PTPRN2: variants seen among roughly 807,000 people sequenced by gnomAD.
PTPRN2 encodes the protein protein tyrosine phosphatase receptor type N2.
Under a neutral mutation model 118.8 loss-of-function variants are expected in PTPRN2, and 74 were observed. The ratio of observed to expected loss-of-function variants is 0.62; its 90% CI spans 0.52 to 0.76. The LOEUF (loss-of-function observed/expected upper bound fraction) is 0.76. Among genes scored for constraint, PTPRN2 ranks in the 30% least tolerant of loss-of-function variants. The pLI, the probability that PTPRN2 is intolerant of heterozygous loss-of-function variation, is 0.00. For synonymous variants in PTPRN2, 641 were observed against 608.0 expected (o/e 1.05, Z -0.80); for missense variants, 1,481 against 1,394.4 (o/e 1.06, Z -0.99).
intron 2 of PTPRN2, among the ~76,000 whole-genome samples, chr7:158,378,675 CTCCAGGGTCCAGGG>C (rs913295711): frequency 1.3e-5 from 2 of 150,034 alleles, no homozygotes. Flanking sequence ...GTCCAGCACA[CTCCAGGGTCCAGGG>C]TCCAGGGTCC....
chr7:158,470,213 A>G lies in PTPRN2; in HGVS notation c.163+19522T>C, dbSNP rs543238119. Among the ~76,000 whole-genome samples the G allele has an allele frequency of 5.4e-4, 82 of 152,380 alleles. 1 individual carries two copies. The South Asian group carries it at 0.016, about 30-fold the overall frequency. On this transcript the variant is annotated intron_variant, in intron 2 of 22. Coordinates refer to ENST00000389418, the MANE Select transcript of PTPRN2 (RefSeq NM_002847.5). ...TATTTCAACAACTGGGGAAAAAAACATAAAATTTATTCTGTTTTGCAGAAA... is the reference window on the plus strand; with the variant it reads ...TATTTCAACAACTGGGGAAAAAAACGTAAAATTTATTCTGTTTTGCAGAAA...
At position 157,845,437 on chromosome 7, in the gene PTPRN2, G is replaced by A. The variant is rs1478637449; in HGVS notation, c.1788+53236C>T. ...ACTGGCCTAACTCACCATGTTCCCG[G>A]CCATACCCCAGTGAACCACACAGCC... On this transcript the variant is annotated intron_variant, in intron 12 of 22. Coordinates refer to ENST00000389418, the MANE Select transcript of PTPRN2 (RefSeq NM_002847.5). The surrounding 1 kb of genome is among the most constrained non-coding windows in gnomAD (Gnocchi z 4.5). Among the ~76,000 whole-genome samples, 1 of 150,870 alleles carries A rather than the reference G, an allele frequency of 6.6e-6. No individual in the cohort carries two copies. Among genetic ancestry groups the A allele is most frequent in the South Asian group, 2.1e-4 (1 of 4,768 alleles).
At chr7:158,101,436 A>G (rs1264202777) in intron 10 of PTPRN2, among the ~76,000 whole-genome samples, 2 of 152,246 alleles carry the variant, frequency 1.3e-5, no homozygotes, top group South Asian at 2.1e-4. Context: ...TAGCATTGGA[A>G]AAACTCTTCC....
intron 12 of PTPRN2, among the ~76,000 whole-genome samples, chr7:157,686,194 C>T (rs780275043): frequency 3.3e-5 from 5 of 152,202 alleles, no homozygotes; most frequent in African/African-American, 1.2e-4. Context: ...CCGCTTCCTA[C>T]CCGCCCGCGG....
At chr7:158,327,521 TCA>T (rs1269659570) in intron 2 of PTPRN2, among the ~76,000 whole-genome samples, 18 of 151,824 alleles carry the variant, frequency 1.2e-4, no homozygotes, top group Admixed American at 3.9e-4. Context: ...ATGAACATTC[TCA>T]CACACATGCA....
chr7:157,995,985 A>G (rs1804696595), intron 11 of PTPRN2, among the ~76,000 whole-genome samples: 1 of 152,230 alleles, frequency 6.6e-6, no homozygotes, highest in African/African-American at 2.4e-5. Context: ...ACAATGGAAT[A>G]CTATTCAGCC....
chr7:158,560,482 G>T (rs56161896), intron 1 of PTPRN2, among the ~76,000 whole-genome samples: 1 of 152,276 alleles, frequency 6.6e-6, no homozygotes, highest in African/African-American at 2.4e-5. Context: ...ACTGCTAGGT[G>T]AAAGTGGAAC....
At chr7:158,103,389 T>C (rs1815403807) in intron 10 of PTPRN2, among the ~76,000 whole-genome samples, 1 of 151,908 alleles carries the variant, frequency 6.6e-6, no homozygotes, top group African/African-American at 2.4e-5. Context: ...ATAACAGCAG[T>C]AGGAAAAAGA....
Position 158,129,068 on chromosome 7 carries a change from CAAATA to C in PTPRN2, c.1556+4604_1556+4608del, listed in dbSNP as rs1375181766. Among the ~76,000 whole-genome samples the C allele has an allele frequency of 2.0e-5, 3 of 149,088 alleles. No individual in the cohort carries two copies. In the East Asian group the frequency reaches 5.9e-4, roughly 29 times the overall value. On this transcript the variant is annotated intron_variant, in intron 9 of 22. Coordinates refer to ENST00000389418, the MANE Select transcript of PTPRN2 (RefSeq NM_002847.5). ...CACTGTGCACCATGCACACACACCACAAATACAATACACACCATGCCACACACTAC... is the reference window on the plus strand; with the variant it reads ...CACTGTGCACCATGCACACACACCACCAATACACACCATGCCACACACTAC...
intron 2 of PTPRN2, among the ~76,000 whole-genome samples, chr7:158,376,750 G>T (rs1810558704): frequency 8.3e-6 from 1 of 119,938 alleles, no homozygotes; most frequent in African/African-American, 3.4e-5. Context: ...GTCCTGAGAG[G>T]GGGGTCAGGG....
chr7:158,532,815 C>T (rs1367935530), intron 1 of PTPRN2: 6 of 534,558 alleles, frequency 1.1e-5, no homozygotes, highest in Non-Finnish European at 2.3e-5. Flanking sequence ...GGCTTCCGTG[C>T]AGGAGCCCTC....
intron 3 of PTPRN2, among the ~76,000 whole-genome samples, chr7:158,239,957 T>C (rs1355891529): frequency 6.6e-6 from 1 of 151,660 alleles, no homozygotes; most frequent in East Asian, 1.9e-4. Flanking sequence ...AGACTAAGAG[T>C]GGGAACTGGC....
intron 3 of PTPRN2, among the ~76,000 whole-genome samples, chr7:158,268,850 C>T (rs1190331621): frequency 4.2e-5 from 6 of 142,852 alleles, no homozygotes; most frequent in African/African-American, 1.1e-4. Flanking sequence ...ATATCCCAGC[C>T]GCACACACAC....
At chr7:158,071,631 G>A (rs1262663487) in intron 11 of PTPRN2, among the ~76,000 whole-genome samples, 4 of 130,542 alleles carry the variant, frequency 3.1e-5, no homozygotes, top group Non-Finnish European at 4.9e-5. Flanking sequence ...GGTGCTCGTG[G>A]TGGTGGAGAT....
chr7:158,052,593 G>A (rs1405486752), intron 11 of PTPRN2, among the ~76,000 whole-genome samples: 1 of 152,068 alleles, frequency 6.6e-6, no homozygotes, highest in Non-Finnish European at 1.5e-5. Context: ...ACCTCCTGGA[G>A]AGGGTAGAGG....
intron 12 of PTPRN2, among the ~76,000 whole-genome samples, chr7:157,696,082 G>A (rs559661564): frequency 7.3e-6 from 1 of 137,228 alleles, no homozygotes; most frequent in Admixed American, 7.1e-5. Flanking sequence ...ATCTACCCAT[G>A]CATACTGGGT....
intron 3 of PTPRN2, among the ~76,000 whole-genome samples, chr7:158,224,047 T>G (rs1184749928): frequency 1.3e-5 from 2 of 152,108 alleles, no homozygotes; most frequent in East Asian, 1.9e-4. Context: ...AGGTGTAAAT[T>G]TAACAAACCA....
At chr7:158,167,321 G>GA in intron 5 of PTPRN2, 30 bp from the exon 6 acceptor site, 5 of 1,547,864 alleles carry the variant, frequency 3.2e-6, no homozygotes, top group Non-Finnish European at 4.4e-6. Context: ...AACAGAGCAA[G>GA]AGTCACATTT....
At chr7:158,286,038 G>A (rs1406280390) in intron 3 of PTPRN2, among the ~76,000 whole-genome samples, 1 of 152,178 alleles carries the variant, frequency 6.6e-6, no homozygotes, top group Non-Finnish European at 1.5e-5. Flanking sequence ...CAGCCATCGG[G>A]AAACATGCCC....
Sources: gnomAD v4.1 joint callset for allele counts (sites outside exome capture counted in the v4.1 genomes callset) on GRCh38, gnomAD v4.1.1 for gene constraint, Gnocchi (gnomAD v3.1) non-coding constraint, MANE v1.5 for transcripts, NCBI Gene and HGNC (gene_info 2026-07-23, HGNC 2026-07-21) for gene names.